PWWP2B: variants seen among roughly 807,000 people sequenced by gnomAD.
PWWP2B encodes the protein PWWP domain-containing protein 2B.
PWWP2B carries 9 observed loss-of-function variants against 15.5 expected under a neutral mutation model. The observed-to-expected ratio is 0.58, with a 90% CI of 0.35 to 1.02. The LOEUF (loss-of-function observed/expected upper bound fraction) is 1.02, where lower values mean the gene tolerates loss of function less well. Ranked by LOEUF, PWWP2B falls within the 50% of genes least tolerant of loss-of-function variation. The pLI is 0.02. For missense variants in PWWP2B, 864 were observed against 865.3 expected, an observed-to-expected ratio of 1.00 and a Z score of 0.02; for synonymous variants, 474 against 403.6, an observed-to-expected ratio of 1.17 and a Z score of -2.09.
intron 1 of PWWP2B, among the ~76,000 whole-genome samples, chr10:132,404,346 C>T (rs1479291275): frequency 6.6e-6 from 1 of 152,168 alleles, no homozygotes; most frequent in East Asian, 1.9e-4. Flanking sequence ...AGATTCGGAG[C>T]CTCTGGGCCT....
At chr10:132,399,884 C>G (rs560975773) in intron 1 of PWWP2B, among the ~76,000 whole-genome samples, 1 of 152,344 alleles carries the variant, frequency 6.6e-6, no homozygotes, top group East Asian at 1.9e-4. Context: ...CCCACCAGAG[C>G]CTCCTGGCTC....
intron 1 of PWWP2B, 88 bp from the exon 2 acceptor site, chr10:132,404,538 G>A: frequency 8.6e-7 from 1 of 1,159,462 alleles, no homozygotes; most frequent in Non-Finnish European, 1.3e-6. Context: ...CCGGAGCATG[G>A]GTCGGGGGCC....
At chr10:132,414,710 C>T (rs141232094) in intron 2 of PWWP2B, among the ~76,000 whole-genome samples, 2 of 152,338 alleles carry the variant, frequency 1.3e-5, no homozygotes, top group East Asian at 1.9e-4. Context: ...TGTAGGAATG[C>T]GTTTGTGTGA....
In PWWP2B at chr10:132,415,669, T is replaced by A. The variant is rs937309121; in HGVS notation, c.*17-1392T>A. On this transcript the variant is annotated intron_variant, in intron 2 of 2. Transcript: ENST00000305233. Reference sequence around the variant, plus strand: ...CTCACACACACATGCACTCACACACTCACACACACATATCCACACACACAT... The same window carrying A: ...CTCACACACACATGCACTCACACACACACACACACATATCCACACACACAT... Among the ~76,000 whole-genome samples the A allele has an allele frequency of 2.7e-4, 37 of 135,312 alleles. 1 individual carries two copies. The East Asian group carries it at 5.5e-3, about 20-fold the overall frequency. 88.8% of individuals were successfully genotyped at this position (135,312 alleles called of 152,430 possible).
At position 132,417,336 on chromosome 10, in the gene PWWP2B, T is replaced by A. The variant is rs907887377; in HGVS notation, c.*292T>A. 1 of 514,748 alleles carries A rather than the reference T, an allele frequency of 1.9e-6. No homozygotes were observed. Among genetic ancestry groups the A allele is most frequent in the Non-Finnish European group, 3.5e-6 (1 of 288,922 alleles). 31.9% of individuals were successfully genotyped at this position (514,748 alleles called of 1,614,324 possible). On this transcript the variant is annotated 3_prime_UTR_variant, in exon 3 of 3. Transcript: ENST00000305233. ...TGACTTGCTGGCTGCTGGCTGCTGC[T>A]GCCTCGCGCGCTGGGGTTCCATGGA...
intron 2 of PWWP2B, among the ~76,000 whole-genome samples, chr10:132,409,391 A>G (rs2133160586): frequency 6.6e-6 from 1 of 152,298 alleles, no homozygotes; most frequent in East Asian, 1.9e-4. Flanking sequence ...CTTCAGGTGC[A>G]GGCACCGGAC....
chr10:132,417,385 C>A lies in PWWP2B; in HGVS notation c.*341C>A, dbSNP rs2069875367. The A allele has an allele frequency of 8.8e-6, 4 of 454,362 alleles. No homozygotes were observed. The South Asian group carries it at 1.1e-4, about 13-fold the overall frequency. The allele number at this position is 454,362 out of a possible 1,614,324, so 28.1% of individuals were successfully genotyped here. A position where few individuals can be genotyped will look rare whatever the true frequency, so the allele number is the denominator to read the frequency against. ...GAGGAACTGGGCCTGCCGCCCCGGC[C>A]TCACCTGCTGCCCGCATGCTGGGGT... is the stretch of plus-strand genomic sequence containing the variant. On this transcript the variant is annotated 3_prime_UTR_variant, in exon 3 of 3. Transcript: ENST00000305233.
intron 2 of PWWP2B, among the ~76,000 whole-genome samples, chr10:132,407,720 G>C (rs2069718837): frequency 6.6e-6 from 1 of 152,232 alleles, no homozygotes; most frequent in Non-Finnish European, 1.5e-5. Flanking sequence ...CCAGGAACCA[G>C]GCCCTTTTCT....
chr10:132,413,555 C>T (rs149270814), intron 2 of PWWP2B, among the ~76,000 whole-genome samples: 1 of 152,344 alleles, frequency 6.6e-6, no homozygotes, highest in Non-Finnish European at 1.5e-5. Flanking sequence ...TTTGGAGACT[C>T]CTCGTTTTTT....
In PWWP2B at chr10:132,397,362, G is replaced by C. The variant is rs374413376; in HGVS notation, c.125+11G>C. The C allele has an allele frequency of 1.3e-3, 1,748 of 1,316,030 alleles. 2 individuals carry two copies. Among genetic ancestry groups the C allele is most frequent in the Non-Finnish European group, 1.6e-3 (1,661 of 1,023,928 alleles). 81.5% of individuals were successfully genotyped at this position (1,316,030 alleles called of 1,614,324 possible). A position where few individuals can be genotyped will look rare whatever the true frequency, so the allele number is the denominator to read the frequency against. ...GGACTGCACGAAAAAGTGAGCGGGG[G>C]CGCGGGCCGGGACACCCCCGGGGTC... On this transcript the variant is annotated intron_variant, in intron 1 of 2. Coordinates refer to ENST00000305233, the MANE Select transcript of PWWP2B (RefSeq NM_138499.4).
chr10:132,398,059 A>G (rs977909694), intron 1 of PWWP2B, among the ~76,000 whole-genome samples: 1 of 152,174 alleles, frequency 6.6e-6, no homozygotes, highest in African/African-American at 2.4e-5. Flanking sequence ...ACCGCGTCAC[A>G]TGGCAGGGAG....
At chr10:132,416,380 T>G (rs953320850) in intron 2 of PWWP2B, among the ~76,000 whole-genome samples, 3 of 151,958 alleles carry the variant, frequency 2.0e-5, no homozygotes, top group Non-Finnish European at 4.4e-5. Context: ...TTTGTTGGAT[T>G]TAGGGGGCTG....
intron 1 of PWWP2B, among the ~76,000 whole-genome samples, chr10:132,399,685 TC>T (rs2069590402): frequency 3.3e-5 from 5 of 152,224 alleles, no homozygotes; most frequent in African/African-American, 1.2e-4. Context: ...CCAGTGATCT[TC>T]CCCCAGTCTG....
rs779813372 is a variant in PWWP2B at position 132,405,368 on chromosome 10, G to A, written c.868G>A (p.Gly290Ser). The A allele has an allele frequency of 1.1e-5, 17 of 1,611,210 alleles. No individual in the cohort carries two copies. The highest frequency in any genetic ancestry group is 4.5e-5 in the East Asian group (2 of 44,842). The change falls in exon 2 of 3, where the codon GGC becomes AGC. Residue 290 changes from glycine (G) to serine (S), a missense_variant. This residue lies in a region of PWWP2B where 736 missense variants were observed against 687.7 expected (regional missense o/e 1.07). Transcript: ENST00000305233. The stretch of plus-strand genomic sequence containing the variant: ...TCCCCAGCAGGCCCCGCAGGACGAC[G>A]GCAGCCAGGACCCCGAGGTGCTGGA... ...FRPQQAPQDD[G>S]SQDPEVLDRE... is the part of the protein sequence containing the mutation.
chr10:132,401,122 G>C (rs2069609514), intron 1 of PWWP2B, among the ~76,000 whole-genome samples: 3 of 152,348 alleles, frequency 2.0e-5, no homozygotes, highest in Admixed American at 2.0e-4. Context: ...TTAAGGCTCG[G>C]CCACTTGTGT....
Position 132,413,114 on chromosome 10 carries a change from G to A in PWWP2B, c.*17-3947G>A, listed in dbSNP as rs775503194. Among the ~76,000 whole-genome samples the A allele has an allele frequency of 9.1e-4, 139 of 152,326 alleles. 1 individual carries two copies. The highest frequency in any genetic ancestry group is 3.4e-3 in the Middle Eastern group (1 of 294). ...CTTCCTGCTTTCTGCCCCTCGGGCC[G>A]CTGCTGTTTCTAAACCTTTGCAGTC... On this transcript the variant is annotated intron_variant, in intron 2 of 2. Transcript: ENST00000305233.
chr10:132,410,050 A>G (rs1432155185), intron 2 of PWWP2B, among the ~76,000 whole-genome samples: 1 of 152,190 alleles, frequency 6.6e-6, no homozygotes, highest in Non-Finnish European at 1.5e-5. Context: ...TGGTCTTGTT[A>G]TTATTTGTCA....
intron 2 of PWWP2B, among the ~76,000 whole-genome samples, chr10:132,407,876 C>T (rs553482590): frequency 3.3e-5 from 5 of 152,298 alleles, no homozygotes; most frequent in Middle Eastern, 3.4e-3. Flanking sequence ...AGAGGACTCC[C>T]GTCTGCTGTC....
At chr10:132,415,665 A>ATGCACT (rs2069842429) in intron 2 of PWWP2B, among the ~76,000 whole-genome samples, 1 of 144,022 alleles carries the variant, frequency 6.9e-6, no homozygotes, top group African/African-American at 2.8e-5. Context: ...ATGCACTCAC[A>ATGCACT]CACTCACACA....
Sources: allele counts gnomAD v4.1 joint callset (sites outside exome capture counted in the v4.1 genomes callset), GRCh38; gene constraint gnomAD v4.1.1; regional missense constraint gnomAD v4.1.1; transcripts MANE v1.5; gene names NCBI Gene and HGNC (gene_info 2026-07-23, HGNC 2026-07-21).